The following BRWD3 variants were observed in gnomAD, a reference collection of about 807,000 sequenced individuals.
BRWD3 encodes the protein bromodomain and WD repeat domain containing 3.
A neutral mutation model predicts 149.7 loss-of-function variants in BRWD3; 10 were observed. The ratio of observed to expected loss-of-function variants is 0.07; its 90% confidence interval spans 0.04 to 0.11. The LOEUF (loss-of-function observed/expected upper bound fraction) is 0.11, where lower values mean the gene tolerates loss of function less well. Among genes scored for constraint, BRWD3 ranks in the 10% least tolerant of loss-of-function variants. The pLI, the probability that BRWD3 is intolerant of heterozygous loss-of-function variation, is 1.00. For synonymous variants in BRWD3, 504 were observed against 456.7 expected, an observed-to-expected ratio of 1.10 and a Z score of -1.32; for missense variants, 940 against 1,373.2, an observed-to-expected ratio of 0.68 and a Z score of 4.99.
At chrX:80,758,654 T>C (rs1457499836) in intron 6 of BRWD3, among the ~76,000 whole-genome samples, 1 of 110,271 alleles carries the variant, frequency 9.1e-6, no homozygotes, top group Non-Finnish European at 1.9e-5. Context: ...GGAACGACAT[T>C]AAAAAAAGAA....
chrX:80,721,966 C>T (rs1380233360), intron 17 of BRWD3, among the ~76,000 whole-genome samples: 1 of 111,629 alleles, frequency 9.0e-6, no homozygotes, highest in East Asian at 2.8e-4. Flanking sequence ...TGTGCCTCAT[C>T]CACCCAAGTA....
At chrX:80,724,568 G>A (rs772686412) in intron 15 of BRWD3, among the ~76,000 whole-genome samples, 1 of 111,507 alleles carries the variant, frequency 9.0e-6, no homozygotes, top group South Asian at 3.8e-4. Context: ...TAAATCATAT[G>A]AGGTTTACCA....
intron 37 of BRWD3, 79 bp downstream of exon 37, chrX:80,683,931 C>T: frequency 3.0e-6 from 3 of 1,011,613 alleles, no homozygotes; most frequent in Non-Finnish European, 4.2e-6. Context: ...ATCCATGTTT[C>T]AAAAAAGATA....
At chrX:80,715,274 T>A (rs371447937) in intron 20 of BRWD3, among the ~76,000 whole-genome samples, 19 of 111,433 alleles carry the variant, frequency 1.7e-4, no homozygotes, top group Admixed American at 6.7e-4. Flanking sequence ...AGTTAATTTC[T>A]TAACAATAAA....
intron 6 of BRWD3, among the ~76,000 whole-genome samples, chrX:80,769,345 A>T (rs1203672195): frequency 8.9e-6 from 1 of 111,858 alleles, no homozygotes; most frequent in East Asian, 2.8e-4. Flanking sequence ...GTTGGAAGTA[A>T]AGCACTCCTC....
At chrX:80,701,579 A>C (rs2072790694) in intron 24 of BRWD3, among the ~76,000 whole-genome samples, 1 of 104,259 alleles carries the variant, frequency 9.6e-6, no homozygotes, top group African/African-American at 3.5e-5. Flanking sequence ...AAAAGTAGTG[A>C]TAGAGATAAG....
At chrX:80,765,276 G>T in intron 6 of BRWD3, among the ~76,000 whole-genome samples, 1 of 111,784 alleles carries the variant, frequency 8.9e-6, no homozygotes, top group African/African-American at 3.2e-5. Flanking sequence ...TTACCATATT[G>T]ATTGACACTG....
At position 80,684,154 on chromosome X, in the gene BRWD3, T is replaced by A; in HGVS notation, c.4089A>T (p.Gln1363His). Residue 1363 changes from glutamine to histidine, a missense_variant, in exon 37 of 41, where the codon CAA becomes CAT. Physicochemically the swap from Gln to His is conservative, Grantham distance 24. This residue lies in a region of BRWD3 where 349 missense variants were observed against 419.6 expected (regional missense o/e 0.83). Transcript: ENST00000373275. ...QQDSSLSEDY[Q>H]DVIDTPVDFS... Reference sequence around the variant, plus strand: ...AGTCCACAGGAGTATCTATAACATCTTGATAATCCTACAAAGAAGAATGTG... The same window carrying A: ...AGTCCACAGGAGTATCTATAACATCATGATAATCCTACAAAGAAGAATGTG... 1 of 1,199,211 alleles carries A rather than the reference T, an allele frequency of 8.3e-7. No individual in the cohort carries two copies. Among genetic ancestry groups the A allele is most frequent in the Non-Finnish European group, 1.1e-6 (1 of 884,794 alleles).
In BRWD3 at chrX:80,675,237, A is replaced by G. The variant is rs41300257; in HGVS notation, c.*1372T>C. On this transcript the variant is annotated 3_prime_UTR_variant, in exon 41 of 41. Coordinates refer to ENST00000373275, the MANE Select transcript of BRWD3 (RefSeq NM_153252.5). The stretch of plus-strand genomic sequence containing the variant: ...TATCTATAAAATAATGATTCACAAC[A>G]TGAGTGTGCAGTGCAATAAGGTTCT... 1 of 111,768 alleles carries G rather than the reference A, an allele frequency of 8.9e-6. No individual in the cohort carries two copies. The highest frequency in any genetic ancestry group is 3.2e-5 in the African/African-American group (1 of 30,837). 9.2% of individuals were successfully genotyped at this position (111,768 alleles called of 1,213,427 possible).
chrX:80,782,991 G>A (rs2074071422), intron 6 of BRWD3, among the ~76,000 whole-genome samples: 1 of 110,948 alleles, frequency 9.0e-6, no homozygotes, highest in African/African-American at 3.3e-5. Flanking sequence ...TTAAAAATGG[G>A]CAAAAGATCT....
At position 80,691,826 on chromosome X, in the gene BRWD3, G is replaced by A. The variant is rs1410695655; in HGVS notation, c.3478C>T (p.Leu1160=). The A allele has an allele frequency of 3.3e-6, 4 of 1,207,685 alleles. No individual in the cohort carries two copies. The highest frequency in any genetic ancestry group is 3.4e-6 in the Non-Finnish European group (3 of 894,695). Residue 1160 remains leucine, a synonymous_variant, in exon 30 of 41, where the codon CTG becomes TTG. Coordinates refer to ENST00000373275, the MANE Select transcript of BRWD3 (RefSeq NM_153252.5). ...AATTTTTTCACATTCATCATACCCA[G>A]GGAAAGAAGGTGGTTGATGCCCTGA... ...VIQGINHLLS[L]DFASPFAVPV... is the part of the protein sequence containing the mutation.
chrX:80,771,783 C>A (rs1198973053), intron 6 of BRWD3, among the ~76,000 whole-genome samples: 1 of 111,661 alleles, frequency 9.0e-6, no homozygotes, highest in East Asian at 2.8e-4. Flanking sequence ...GAAAAACAAA[C>A]AACCCTATCA....
intron 3 of BRWD3, 85 bp from the exon 4 acceptor site, chrX:80,808,683 G>C: frequency 1.2e-6 from 1 of 847,507 alleles, no homozygotes; most frequent in Non-Finnish European, 1.7e-6. Context: ...GACCCAACCT[G>C]TGTCCCAGTC....
At chrX:80,757,146 ATAAT>A (rs769810425) in intron 6 of BRWD3, among the ~76,000 whole-genome samples, 1 of 112,261 alleles carries the variant, frequency 8.9e-6, no homozygotes, top group South Asian at 3.7e-4. Flanking sequence ...TTTAGTATAT[ATAAT>A]TAGTTACTTT....
chrX:80,765,374 T>C (rs1481023224), intron 6 of BRWD3, among the ~76,000 whole-genome samples: 1 of 111,842 alleles, frequency 8.9e-6, no homozygotes, highest in East Asian at 2.8e-4. Context: ...GAGCATCTCA[T>C]AGTATTACCA....
At position 80,735,803 on chromosome X, in the gene BRWD3, C is replaced by CA. The variant is rs571194692; in HGVS notation, c.914+184dup. ...TGGGCAACAGAGCGAGACTCTGTCTCAAAAAAAAAAAAAAAAAATTATCCT... is the reference window on the plus strand; with the variant it reads ...TGGGCAACAGAGCGAGACTCTGTCTCAAAAAAAAAAAAAAAAAAATTATCCT... On this transcript the variant is annotated intron_variant, in intron 9 of 40. Transcript: ENST00000373275. Among the ~76,000 whole-genome samples the CA allele has an allele frequency of 0.1, 4,601 of 45,157 alleles. 167 individuals are homozygous for CA. The highest frequency in any genetic ancestry group is 0.2 in the South Asian group (189 of 955). The allele number at this position is 45,157 out of a possible 115,157, so 39.2% of individuals were successfully genotyped here.
chrX:80,726,010 TTA>T (rs1205130689), intron 14 of BRWD3, among the ~76,000 whole-genome samples: 15 of 109,651 alleles, frequency 1.4e-4, no homozygotes, highest in Admixed American at 4.8e-4. Context: ...TGTTTACATG[TTA>T]TATGTCTATA....
intron 23 of BRWD3, 31 bp downstream of exon 23, chrX:80,704,647 C>T (rs769203629): frequency 4.5e-5 from 54 of 1,187,363 alleles, no homozygotes; most frequent in Admixed American, 2.5e-4. Context: ...CAAAAAATAA[C>T]AAAAACAAAA....
chrX:80,707,616 T>C (rs1399867821), intron 21 of BRWD3, 113 bp from the exon 22 acceptor site: 3 of 696,071 alleles, frequency 4.3e-6, no homozygotes, highest in Non-Finnish European at 6.7e-6. Context: ...CCTCAAAAAA[T>C]GTTCTTCTTA....
Sources: gnomAD v4.1 joint callset for allele counts (sites outside exome capture counted in the v4.1 genomes callset) on GRCh38, gnomAD v4.1.1 for gene constraint, gnomAD v4.1.1 regional missense constraint, MANE v1.5 for transcripts, NCBI Gene and HGNC (gene_info 2026-07-23, HGNC 2026-07-21) for gene names.